Variants in COLGALT2 observed in about 807,000 individuals in gnomAD.
COLGALT2 encodes the protein collagen beta(1-O)galactosyltransferase 2.
A neutral mutation model predicts 73.4 loss-of-function variants in COLGALT2; 49 were observed. The observed-to-expected ratio is 0.67, with a 90% confidence interval of 0.53 to 0.85. The LOEUF (loss-of-function observed/expected upper bound fraction) is 0.85, where lower values mean the gene tolerates loss of function less well. Among genes scored for constraint, COLGALT2 ranks in the 40% least tolerant of loss-of-function variants. The pLI is 0.00. For missense variants in COLGALT2, 722 were observed against 790.2 expected, an observed-to-expected ratio of 0.91 and a Z score of 1.03; for synonymous variants, 295 against 307.6, an observed-to-expected ratio of 0.96 and a Z score of 0.43.
At chr1:183,940,296 TAAG>T (rs1380443808) in intron 11 of COLGALT2, among the ~76,000 whole-genome samples, 1 of 152,060 alleles carries the variant, frequency 6.6e-6, no homozygotes, top group Non-Finnish European at 1.5e-5. Context: ...GTTATGGAAA[TAAG>T]AAGAGCAAAG....
At chr1:183,940,051 G>A (rs988925738) in intron 11 of COLGALT2, among the ~76,000 whole-genome samples, 3 of 152,144 alleles carry the variant, frequency 2.0e-5, no homozygotes, top group Admixed American at 6.5e-5. Flanking sequence ...CTTCTTCCAT[G>A]GACATCATGC....
chr1:183,975,149 A>G lies in COLGALT2; in HGVS notation c.440T>C (p.Leu147Pro), dbSNP rs751844596. ...CGCAGTTCGAAGGGCTGCCTGTCGT[A>G]GTTTCATCACATGGGCAAACCGGGA... ...PTSRFAHVMK[L>P]RQAALRTARE... Residue 147 changes from leucine to proline, a missense_variant, in exon 3 of 12, where the codon CTA becomes CCA. Physicochemically the swap from Leu to Pro is moderately conservative, Grantham distance 98. Transcript: ENST00000361927. 6.2e-7 allele frequency: 1 copy of G among 1,614,140 alleles called. No homozygotes were observed. The highest frequency in any genetic ancestry group is 8.5e-7 in the Non-Finnish European group (1 of 1,180,000).
At chr1:183,945,637 G>C (rs1315100333) in intron 8 of COLGALT2, 73 bp from the exon 9 acceptor site, 241 of 1,491,458 alleles carry the variant, frequency 1.6e-4, no homozygotes, top group Middle Eastern at 2.2e-4. Context: ...GAAAGAGAGA[G>C]TTAGTTCTGC....
chr1:183,952,829 T>C (rs953834295), intron 7 of COLGALT2, among the ~76,000 whole-genome samples: 1 of 152,222 alleles, frequency 6.6e-6, no homozygotes, highest in African/African-American at 2.4e-5. Context: ...GTGACTCTAT[T>C]TGCCTCATTA....
intron 1 of COLGALT2, among the ~76,000 whole-genome samples, chr1:183,999,218 T>A (rs1440129878): frequency 1.3e-5 from 2 of 152,128 alleles, no homozygotes; most frequent in African/African-American, 4.8e-5. Flanking sequence ...TCTATTGAGA[T>A]GAACATATGG....
At chr1:183,947,780 T>C (rs1311282817) in intron 8 of COLGALT2, among the ~76,000 whole-genome samples, 6 of 151,474 alleles carry the variant, frequency 4.0e-5, no homozygotes, top group South Asian at 4.2e-4. Context: ...AGAAAAACAA[T>C]AGAGAAAAAT....
At chr1:183,954,108 G>A (rs1054214063) in intron 7 of COLGALT2, among the ~76,000 whole-genome samples, 5 of 152,158 alleles carry the variant, frequency 3.3e-5, no homozygotes, top group Non-Finnish European at 1.5e-5. Context: ...CAGTGATGTG[G>A]AGTCACAATC....
At chr1:183,968,990 C>G (rs1448547679) in intron 5 of COLGALT2, among the ~76,000 whole-genome samples, 1 of 152,156 alleles carries the variant, frequency 6.6e-6, no homozygotes, top group Non-Finnish European at 1.5e-5. Context: ...AGTAGCACCA[C>G]AGAGAAGCAA....
intron 1 of COLGALT2, among the ~76,000 whole-genome samples, chr1:184,034,307 CT>C (rs1649606252): frequency 2.0e-5 from 3 of 148,274 alleles, no homozygotes; most frequent in African/African-American, 7.5e-5. Context: ...TGTTTTTTGC[CT>C]TGCTGATCCC....
At position 183,973,752 on chromosome 1, in the gene COLGALT2, T is replaced by A; in HGVS notation, c.493-2A>T. On this transcript the variant is annotated splice_acceptor_variant, in intron 3 of 11. Coordinates refer to ENST00000361927, the MANE Select transcript of COLGALT2 (RefSeq NM_015101.4). LOFTEE classifies it high-confidence loss of function. ...CAGGAAATTGTCAACATCTATGAAC[T>A]AGGAAAAGAAAAGGATAATGTTAGG... 6.2e-7 allele frequency: 1 copy of A among 1,612,896 alleles called. No homozygotes were observed. Among genetic ancestry groups the A allele is most frequent in the Non-Finnish European group, 8.5e-7 (1 of 1,179,262 alleles).
At chr1:183,953,152 G>A (rs1329225614) in intron 7 of COLGALT2, among the ~76,000 whole-genome samples, 1 of 152,188 alleles carries the variant, frequency 6.6e-6, no homozygotes, top group Non-Finnish European at 1.5e-5. Context: ...AAACACAGAT[G>A]GCTCACTCAC....
chr1:183,930,573 T>TTTTTTG (rs1669824404), intron 11 of COLGALT2, among the ~76,000 whole-genome samples: 1 of 90,752 alleles, frequency 1.1e-5, no homozygotes, highest in African/African-American at 3.7e-5. Context: ...CTTTTTCTTT[T>TTTTTTG]TTTTTTTTTT....
intron 1 of COLGALT2, among the ~76,000 whole-genome samples, chr1:184,001,498 T>A (rs1287259962): frequency 1.3e-5 from 2 of 152,202 alleles, no homozygotes; most frequent in East Asian, 3.9e-4. Context: ...TTCTTCCATA[T>A]GTCTAAACCT....
At chr1:183,943,356 G>A (rs1670164947) in intron 10 of COLGALT2, among the ~76,000 whole-genome samples, 1 of 152,206 alleles carries the variant, frequency 6.6e-6, no homozygotes, top group African/African-American at 2.4e-5. Context: ...TTGACACACA[G>A]CTGGGAGCAA....
chr1:183,995,570 C>G (rs567543384), intron 1 of COLGALT2, among the ~76,000 whole-genome samples: 3 of 152,228 alleles, frequency 2.0e-5, no homozygotes, highest in Non-Finnish European at 2.9e-5. Flanking sequence ...GCCAGAGCCA[C>G]GTCAGGCTAG....
chr1:184,037,139 G>A lies in COLGALT2; in HGVS notation c.219C>T (p.Gly73=), dbSNP rs748610876. ...NAAHTLPHFL[G]CLERLDYPKS... is the part of the protein sequence containing the mutation. ...TGGGGTAGTCCAGCCGCTCCAGGCA[G>A]CCGAGGAAGTGCGGCAGCGTGTGCG... Residue 73 remains glycine, a synonymous_variant, in exon 1 of 12, where the codon GGC becomes GGT. Transcript: ENST00000361927. 21 of 1,599,598 alleles carry A rather than the reference G, an allele frequency of 1.3e-5. No individual in the cohort carries two copies. In the South Asian group the frequency reaches 2.0e-4, roughly 15 times the overall value.
downstream of COLGALT2, among the ~76,000 whole-genome samples, chr1:183,934,535 G>A (rs1669908775): frequency 1.3e-5 from 2 of 152,178 alleles, no homozygotes; most frequent in South Asian, 2.1e-4. Context: ...TTTTCAGAAC[G>A]TGTCACCCCT....
intron 1 of COLGALT2, among the ~76,000 whole-genome samples, chr1:183,981,846 G>A (rs937326687): frequency 2.0e-5 from 3 of 152,138 alleles, no homozygotes; most frequent in African/African-American, 7.2e-5. Context: ...GTTAAGCAAA[G>A]CACAGTGGAA....
At chr1:183,958,323 A>G (rs1670607791) in intron 6 of COLGALT2, among the ~76,000 whole-genome samples, 1 of 152,116 alleles carries the variant, frequency 6.6e-6, no homozygotes, top group Admixed American at 6.6e-5. Context: ...ATAAAACCCT[A>G]ATCCTGGTTA....
Sources: gnomAD v4.1 joint callset for allele counts (sites outside exome capture counted in the v4.1 genomes callset) on GRCh38, gnomAD v4.1.1 for gene constraint, MANE v1.5 for transcripts, NCBI Gene and HGNC (gene_info 2026-07-23, HGNC 2026-07-21) for gene names.